GCH1: variants seen among roughly 807,000 people sequenced by gnomAD.
GCH1 encodes GTP cyclohydrolase I.
In GCH1, 5 loss-of-function variants were observed where a neutral mutation model predicts 25.9. The ratio of observed to expected loss-of-function variants is 0.19; its 90% CI spans 0.10 to 0.41. The LOEUF is 0.41. Ranked by LOEUF, GCH1 falls within the 10% of genes least tolerant of loss-of-function variation. The pLI is 1.00. For synonymous variants in GCH1, 159 were observed against 129.6 expected (o/e 1.23, Z -1.54); for missense variants, 261 against 336.5 (o/e 0.78, Z 1.75).
chr14:54,872,823 C>A (rs574007490), intron 1 of GCH1, among the ~76,000 whole-genome samples: 1,875 of 152,252 alleles, frequency 0.012, 20 homozygotes, highest in Middle Eastern at 0.054. Flanking sequence ...TATATATGCA[C>A]CCAATACAGG....
intron 3 of GCH1, among the ~76,000 whole-genome samples, chr14:54,857,332 A>T (rs781213776): frequency 1.3e-5 from 2 of 152,180 alleles, no homozygotes; most frequent in Non-Finnish European, 2.9e-5. Context: ...TCCTTCTACC[A>T]CCAGGTTGCC....
chr14:54,901,136 C>CA (rs1346736964), intron 1 of GCH1, among the ~76,000 whole-genome samples: 2 of 151,960 alleles, frequency 1.3e-5, no homozygotes, highest in African/African-American at 4.8e-5. Flanking sequence ...GAAGACTGGG[C>CA]AAAAAATAAC....
At chr14:54,899,382 C>T (rs991631689) in intron 1 of GCH1, among the ~76,000 whole-genome samples, 2 of 152,098 alleles carry the variant, frequency 1.3e-5, no homozygotes, top group African/African-American at 4.8e-5. Flanking sequence ...CACTTGAGTC[C>T]AGCAGAGTGA....
chr14:54,902,771 G>GGTT lies in GCH1; in HGVS notation c.-109_-108insAAC, dbSNP rs2040590571. The GGTT allele has an allele frequency of 3.7e-6, 5 of 1,341,434 alleles. No individual in the cohort carries two copies. In the African/African-American group the frequency reaches 7.7e-5, roughly 21 times the overall value. The allele number at this position is 1,341,434 out of a possible 1,614,324, so 83.1% of individuals were successfully genotyped here. A position where few individuals can be genotyped will look rare whatever the true frequency, so the allele number is the denominator to read the frequency against. ...CAATGGGCTGTGGCCGGAGTCACCT[G>GGTT]AGGAAGGTACGCAACCTGCTTAGAT... On this transcript the variant is annotated 5_prime_UTR_variant, in exon 1 of 6. Coordinates refer to ENST00000491895, the MANE Select transcript of GCH1 (RefSeq NM_000161.3).
intron 3 of GCH1, among the ~76,000 whole-genome samples, chr14:54,850,621 A>T (rs1316521225): frequency 6.6e-6 from 1 of 152,006 alleles, no homozygotes; most frequent in African/African-American, 2.4e-5. Flanking sequence ...TATATCTCCT[A>T]ATGCTATCCC....
At chr14:54,872,588 G>A (rs1223364576) in intron 1 of GCH1, among the ~76,000 whole-genome samples, 2 of 152,182 alleles carry the variant, frequency 1.3e-5, no homozygotes, top group Non-Finnish European at 2.9e-5. Flanking sequence ...TCAGTGTGCT[G>A]TATTCAGGAA....
At chr14:54,856,981 T>G (rs1237687394) in intron 3 of GCH1, among the ~76,000 whole-genome samples, 1 of 152,240 alleles carries the variant, frequency 6.6e-6, no homozygotes, top group Non-Finnish European at 1.5e-5. Context: ...AAACTTCATA[T>G]ATAAGATTAA....
At chr14:54,874,578 G>A (rs1391824573) in intron 1 of GCH1, among the ~76,000 whole-genome samples, 1 of 152,196 alleles carries the variant, frequency 6.6e-6, no homozygotes, top group Non-Finnish European at 1.5e-5. Flanking sequence ...TGACATGATT[G>A]TATATCTAGA....
chr14:54,901,469 G>T (rs1016170191), intron 1 of GCH1, among the ~76,000 whole-genome samples: 1 of 152,230 alleles, frequency 6.6e-6, no homozygotes, highest in East Asian at 1.9e-4. Flanking sequence ...CACACTGATT[G>T]CATCCCCACC....
intron 3 of GCH1, among the ~76,000 whole-genome samples, chr14:54,857,193 T>C (rs182691343): frequency 4.6e-5 from 7 of 152,364 alleles, no homozygotes; most frequent in African/African-American, 1.7e-4. Flanking sequence ...ATTTTATTCT[T>C]AAATTTTAAT....
At chr14:54,864,084 A>G (rs576797066) in intron 2 of GCH1, among the ~76,000 whole-genome samples, 1 of 151,352 alleles carries the variant, frequency 6.6e-6, no homozygotes, top group East Asian at 1.9e-4. Flanking sequence ...CTGGTCTTGA[A>G]CTCCTGGGTT....
At chr14:54,858,368 C>A (rs754129066) in intron 3 of GCH1, among the ~76,000 whole-genome samples, 3 of 152,212 alleles carry the variant, frequency 2.0e-5, no homozygotes, top group Admixed American at 1.3e-4. Flanking sequence ...TCACTGCAAG[C>A]TCTGCCTCCC....
At chr14:54,847,261 T>C (rs535247952) in intron 3 of GCH1, 131 bp from the exon 4 acceptor site, 66 of 517,164 alleles carry the variant, frequency 1.3e-4, no homozygotes, top group African/African-American at 9.6e-4. Context: ...TATGGCAAGA[T>C]GACAGAAAGA....
intron 3 of GCH1, 100 bp from the exon 4 acceptor site, chr14:54,847,230 G>T: frequency 1.8e-6 from 1 of 563,516 alleles, no homozygotes. Flanking sequence ...AAGCAAGTGG[G>T]CTGCAAGAGG....
chr14:54,873,123 A>T (rs1315854902), intron 1 of GCH1, among the ~76,000 whole-genome samples: 3 of 152,186 alleles, frequency 2.0e-5, no homozygotes, highest in Non-Finnish European at 1.5e-5. Context: ...ATGTAAAAGA[A>T]CAGAAATTAT....
At chr14:54,885,297 T>C (rs2040335521) in intron 1 of GCH1, 2 of 226,308 alleles carry the variant, frequency 8.8e-6, no homozygotes, top group African/African-American at 2.3e-5. Flanking sequence ...GTCTTATACT[T>C]GACAGTGATT....
intron 1 of GCH1, among the ~76,000 whole-genome samples, chr14:54,900,776 C>T (rs941204020): frequency 1.3e-5 from 2 of 151,778 alleles, no homozygotes; most frequent in Non-Finnish European, 2.9e-5. Context: ...AAGTAAACCA[C>T]TTTCTGTGTC....
intron 3 of GCH1, among the ~76,000 whole-genome samples, chr14:54,852,083 C>A (rs1021999769): frequency 9.2e-5 from 14 of 152,286 alleles, no homozygotes; most frequent in African/African-American, 3.4e-4. Context: ...AGCCACTGCA[C>A]CCAGCCTATT....
chr14:54,862,959 C>A (rs1486444616), intron 2 of GCH1, among the ~76,000 whole-genome samples: 1 of 151,956 alleles, frequency 6.6e-6, no homozygotes, highest in Non-Finnish European at 1.5e-5. Flanking sequence ...ACAGGTATAA[C>A]CAAATGCAAT....
Sources: allele counts gnomAD v4.1 joint callset (sites outside exome capture counted in the v4.1 genomes callset), GRCh38; gene constraint gnomAD v4.1.1; transcripts MANE v1.5; gene names NCBI Gene and HGNC (gene_info 2026-07-23, HGNC 2026-07-21).